THSD7B: variants seen among roughly 807,000 people sequenced by gnomAD.
The protein encoded by THSD7B is thrombospondin type-1 domain-containing protein 7B.
THSD7B carries 138 observed loss-of-function variants against 213.6 expected under a neutral mutation model. The observed-to-expected ratio is 0.65, with a 90% CI of 0.56 to 0.74. THSD7B has a LOEUF of 0.74. Among genes scored for constraint, THSD7B ranks in the 30% least tolerant of loss-of-function variants. The pLI is 0.00. For missense variants in THSD7B, 1,931 were observed against 1,991.5 expected (o/e 0.97, Z 0.58); for synonymous variants, 742 against 687.0 (o/e 1.08, Z -1.25).
Position 137,556,612 on chromosome 2 carries a change from T to A in THSD7B, c.3139-6609T>A, listed in dbSNP as rs192092382. Among the ~76,000 whole-genome samples the A allele has an allele frequency of 6.0e-4, 91 of 152,248 alleles. 1 individual carries two copies. Among genetic ancestry groups the A allele is most frequent in the African/African-American group, 2.0e-3 (82 of 41,550 alleles). ...CATGCCAAATTGTAAAGACCATCGATGCTAGGAAGAAACTGCATCAACTAA... is the reference window on the plus strand; with the variant it reads ...CATGCCAAATTGTAAAGACCATCGAAGCTAGGAAGAAACTGCATCAACTAA... On this transcript the variant is annotated intron_variant, in intron 15 of 27. Coordinates refer to ENST00000409968, the MANE Select transcript of THSD7B (RefSeq NM_001316349.2).
At chr2:137,430,522 A>G (rs1466386406) in intron 14 of THSD7B, among the ~76,000 whole-genome samples, 1 of 152,210 alleles carries the variant, frequency 6.6e-6, no homozygotes, top group Non-Finnish European at 1.5e-5. Flanking sequence ...GGAATTGCCC[A>G]AGGGCTGCCC....
intron 15 of THSD7B, among the ~76,000 whole-genome samples, chr2:137,561,907 C>T (rs983421710): frequency 1.3e-5 from 2 of 152,108 alleles, no homozygotes; most frequent in African/African-American, 4.8e-5. Context: ...TTTGTCCTCA[C>T]ATATTTGTTA....
At chr2:137,524,056 T>C (rs1226777467) in intron 15 of THSD7B, among the ~76,000 whole-genome samples, 1 of 152,132 alleles carries the variant, frequency 6.6e-6, no homozygotes, top group East Asian at 1.9e-4. Flanking sequence ...TAAGTGAAAC[T>C]GCATATGTGT....
At chr2:137,181,826 A>C (rs996507277) in intron 7 of THSD7B, among the ~76,000 whole-genome samples, 1 of 152,182 alleles carries the variant, frequency 6.6e-6, no homozygotes, top group Non-Finnish European at 1.5e-5. Context: ...AGGCATGGTG[A>C]TATTGCTCTT....
At chr2:136,770,197 A>G (rs951214552) in intron 1 of THSD7B, among the ~76,000 whole-genome samples, 2 of 152,228 alleles carry the variant, frequency 1.3e-5, no homozygotes, top group African/African-American at 2.4e-5. Flanking sequence ...CTTTGTAGCA[A>G]TGCATATTTT....
chr2:137,071,582 T>C (rs1424317243), intron 3 of THSD7B, among the ~76,000 whole-genome samples: 3 of 152,224 alleles, frequency 2.0e-5, no homozygotes, highest in African/African-American at 7.2e-5. Context: ...TTTGTCAATA[T>C]TGGCTTTTGT....
chr2:137,126,761 T>C (rs983420069), intron 5 of THSD7B, among the ~76,000 whole-genome samples: 1 of 152,228 alleles, frequency 6.6e-6, no homozygotes, highest in African/African-American at 2.4e-5. Flanking sequence ...CCTTCCTTTC[T>C]AAGCTTAATC....
intron 5 of THSD7B, among the ~76,000 whole-genome samples, chr2:137,131,544 A>G (rs932155410): frequency 6.6e-6 from 1 of 152,164 alleles, no homozygotes. Flanking sequence ...TCCATCTTGA[A>G]TTAATTTTTG....
chr2:136,884,351 C>T (rs1683680941), intron 2 of THSD7B, among the ~76,000 whole-genome samples: 1 of 152,040 alleles, frequency 6.6e-6, no homozygotes, highest in East Asian at 1.9e-4. Context: ...AAGAGTGGTT[C>T]CCAGAATCTG....
At chr2:136,867,943 T>C (rs1270751667) in intron 1 of THSD7B, among the ~76,000 whole-genome samples, 1 of 152,212 alleles carries the variant, frequency 6.6e-6, no homozygotes, top group Non-Finnish European at 1.5e-5. Context: ...TTTAGTATTA[T>C]TAATTTCTGT....
intron 2 of THSD7B, among the ~76,000 whole-genome samples, chr2:136,994,997 C>G (rs1342963869): frequency 6.6e-6 from 1 of 152,198 alleles, no homozygotes; most frequent in Admixed American, 6.5e-5. Flanking sequence ...GCTAGCCTGA[C>G]TCTGCAGTAG....
chr2:137,364,196 C>G (rs187770964), intron 12 of THSD7B, among the ~76,000 whole-genome samples: 6 of 152,156 alleles, frequency 3.9e-5, no homozygotes, highest in South Asian at 2.1e-4. Flanking sequence ...CATGCTAAAG[C>G]CTTCATGCTA....
intron 2 of THSD7B, among the ~76,000 whole-genome samples, chr2:136,938,623 T>C (rs1374175406): frequency 6.6e-6 from 1 of 152,246 alleles, no homozygotes; most frequent in Admixed American, 6.5e-5. Context: ...AATGATAATG[T>C]AATGTTCTCT....
chr2:136,888,004 C>G (rs1262042150), intron 2 of THSD7B, among the ~76,000 whole-genome samples: 1 of 152,034 alleles, frequency 6.6e-6, no homozygotes, highest in East Asian at 1.9e-4. Flanking sequence ...CTGTTAGCTA[C>G]TATTTCTATC....
At chr2:137,097,630 A>C (rs947093247) in intron 4 of THSD7B, among the ~76,000 whole-genome samples, 1 of 152,134 alleles carries the variant, frequency 6.6e-6, no homozygotes, top group Admixed American at 6.6e-5. Flanking sequence ...GAAAGAAATA[A>C]TTCAGGATGT....
chr2:137,535,959 A>T (rs1468621341), intron 15 of THSD7B, among the ~76,000 whole-genome samples: 2 of 151,178 alleles, frequency 1.3e-5, no homozygotes, highest in Non-Finnish European at 1.5e-5. Context: ...AGGTACAGGG[A>T]GAGTGTTGAA....
intron 17 of THSD7B, among the ~76,000 whole-genome samples, chr2:137,585,921 A>G (rs1156428813): frequency 2.0e-5 from 3 of 152,144 alleles, no homozygotes; most frequent in African/African-American, 4.8e-5. Context: ...GATCTGTCTA[A>G]TGTTGACAGT....
At position 137,377,648 on chromosome 2, in the gene THSD7B, C is replaced by T. The variant is rs189633110; in HGVS notation, c.2501-27965C>T. ...TAAAATTCACTTTTTTTTTTTTGAG[C>T]TGGAGCCTCCTTCTGTTACCCAGGC... On this transcript the variant is annotated intron_variant, in intron 12 of 27. Coordinates refer to ENST00000409968, the MANE Select transcript of THSD7B (RefSeq NM_001316349.2). 6.5e-4 allele frequency among the ~76,000 whole-genome samples: 97 copies of T among 149,076 alleles called. 1 individual carries two copies. Among genetic ancestry groups the T allele is most frequent in the Middle Eastern group, 3.4e-3 (1 of 292 alleles).
At position 137,283,865 on chromosome 2, in the gene THSD7B, T is replaced by C. The variant is rs1468046841; in HGVS notation, c.2500+7839T>C. Among the ~76,000 whole-genome samples the C allele has an allele frequency of 2.0e-5, 3 of 152,164 alleles. No individual in the cohort carries two copies. In the South Asian group the frequency reaches 6.3e-4, roughly 32 times the overall value. On this transcript the variant is annotated intron_variant, in intron 12 of 27. Transcript: ENST00000409968. ...GGATATTGGTCTAAAATTCTCTTTT[T>C]TGGTTGTATCTCTTCCCAGCTTTGG...
Sources: gnomAD v4.1 joint callset for allele counts (sites outside exome capture counted in the v4.1 genomes callset) on GRCh38, gnomAD v4.1.1 for gene constraint, MANE v1.5 for transcripts, NCBI Gene and HGNC (gene_info 2026-07-23, HGNC 2026-07-21) for gene names.